The following GPR107 variants were observed in gnomAD, a reference collection of about 807,000 sequenced individuals.
GPR107 encodes the protein protein GPR107.
In GPR107, 31 loss-of-function variants were observed where a neutral mutation model predicts 75.5. The observed-to-expected ratio is 0.41, with a 90% confidence interval of 0.31 to 0.55. GPR107 has a LOEUF of 0.55. Among genes scored for constraint, GPR107 ranks in the 20% least tolerant of loss-of-function variants. GPR107 has a pLI of 0.26. For synonymous variants in GPR107, 267 were observed against 251.3 expected, an observed-to-expected ratio of 1.06 and a Z score of -0.59; for missense variants, 572 against 665.7, an observed-to-expected ratio of 0.86 and a Z score of 1.55.
chr9:130,076,892 TG>T lies in GPR107; in HGVS notation c.307-406del, dbSNP rs200507611. Among the ~76,000 whole-genome samples, 319 of 149,092 alleles carry T rather than the reference TG, an allele frequency of 2.1e-3. 17 individuals carry two copies. The East Asian group carries it at 0.045, about 21-fold the overall frequency. On this transcript the variant is annotated intron_variant, in intron 3 of 17. Transcript: ENST00000347136. The stretch of plus-strand genomic sequence containing the variant: ...CCACAGTTGGTTTACTTTTGTTTTT[TG>T]TTTTTTTTTTTGAGACAGAGTCTCA...
intron 14 of GPR107, among the ~76,000 whole-genome samples, chr9:130,119,542 C>G (rs1183080696): frequency 2.0e-5 from 3 of 152,166 alleles, no homozygotes; most frequent in African/African-American, 7.2e-5. Flanking sequence ...AGAGGGTTAG[C>G]TGACTTATCG....
intron 17 of GPR107, among the ~76,000 whole-genome samples, chr9:130,131,149 C>G (rs185252129): frequency 4.6e-5 from 7 of 152,296 alleles, no homozygotes; most frequent in Admixed American, 3.3e-4. Context: ...TGCGAAGCTG[C>G]TGAAGCCCCA....
chr9:130,075,647 G>A lies in GPR107; in HGVS notation c.153G>A (p.Arg51=). 1 of 1,555,334 alleles carries A rather than the reference G, an allele frequency of 6.4e-7. No homozygotes were observed. Among genetic ancestry groups the A allele is most frequent in the Non-Finnish European group, 8.9e-7 (1 of 1,126,426 alleles). The change falls in exon 2 of 18, where the codon AGG becomes AGA. Residue 51 remains arginine, a synonymous_variant. Transcript: ENST00000347136. ...ACAAATCTCTTTAGGATGATGTGAG[G>A]CATAAAGTTCATCTGAACACCTTTG... ...VHHLALKDDV[R]HKVHLNTFGF...
At chr9:130,095,360 A>T (rs2132598239) in intron 9 of GPR107, among the ~76,000 whole-genome samples, 1 of 152,206 alleles carries the variant, frequency 6.6e-6, no homozygotes, top group Middle Eastern at 3.4e-3. Context: ...AGTCATTGTC[A>T]CTGGTTCACT....
chr9:130,080,737 C>T (rs533200071), intron 5 of GPR107, among the ~76,000 whole-genome samples: 55 of 151,640 alleles, frequency 3.6e-4, no homozygotes, highest in African/African-American at 1.3e-3. Flanking sequence ...GTGATCCGCC[C>T]GCCTCGGCCT....
intron 1 of GPR107, among the ~76,000 whole-genome samples, chr9:130,060,065 G>C (rs1829889985): frequency 6.6e-6 from 1 of 151,492 alleles, no homozygotes; most frequent in African/African-American, 2.4e-5. Context: ...TTTTATTTCG[G>C]GGGGAGGTTG....
At chr9:130,055,063 C>T (rs1318791177) in intron 1 of GPR107, among the ~76,000 whole-genome samples, 1 of 152,162 alleles carries the variant, frequency 6.6e-6, no homozygotes, top group African/African-American at 2.4e-5. Flanking sequence ...GCCTGAGGAA[C>T]AGAGCAAGAC....
At position 130,128,694 on chromosome 9, in the gene GPR107, C is replaced by T. The variant is rs201905145; in HGVS notation, c.1495C>T (p.Arg499Cys). 74 of 1,610,346 alleles carry T rather than the reference C, an allele frequency of 4.6e-5. No homozygotes were observed. The highest frequency in any genetic ancestry group is 2.5e-4 in the African/African-American group (19 of 74,916). Reference sequence around the variant, plus strand: ...CTTTGTTCTAACGGGGTATAAATTCCGTCCGGCTTCAGATAACCCCTACCT... The same window carrying T: ...CTTTGTTCTAACGGGGTATAAATTCTGTCCGGCTTCAGATAACCCCTACCT... ...VFFVLTGYKF[R>C]PASDNPYLQL... is the part of the protein sequence containing the mutation. Residue 499 changes from arginine (R) to cysteine (C), a missense_variant, in exon 17 of 18, where the codon CGT becomes TGT. Arg to Cys is a radical substitution (Grantham distance 180). Transcript: ENST00000347136.
At chr9:130,114,684 C>T in intron 14 of GPR107, 1 of 1,045,464 alleles carries the variant, frequency 9.6e-7, no homozygotes. Flanking sequence ...CTGGACCCAT[C>T]CTGTTTTACT....
Position 130,135,345 on chromosome 9 carries a change from T to G in GPR107, c.*224T>G, listed in dbSNP as rs1831928455. 2.4e-5 allele frequency: 10 copies of G among 415,656 alleles called. No homozygotes were observed. Among genetic ancestry groups the G allele is most frequent in the East Asian group, 4.3e-5 (1 of 23,438 alleles). The allele number at this position is 415,656 out of a possible 1,614,324, so 25.7% of individuals were successfully genotyped here. On this transcript the variant is annotated 3_prime_UTR_variant, in exon 18 of 18. Coordinates refer to ENST00000347136, the MANE Select transcript of GPR107 (RefSeq NM_020960.5). ...AGCTGGATCCTCTTTCAGGCGGGAA[T>G]GGGAGGGCGGGCACAGGGAGGAGGA...
chr9:130,116,481 G>A (rs1831431652), intron 14 of GPR107, among the ~76,000 whole-genome samples: 1 of 152,218 alleles, frequency 6.6e-6, no homozygotes, highest in African/African-American at 2.4e-5. Flanking sequence ...GCTCGCTGCT[G>A]TGACTGTGTG....
chr9:130,062,063 A>G (rs1829938455), intron 1 of GPR107, among the ~76,000 whole-genome samples: 1 of 152,134 alleles, frequency 6.6e-6, no homozygotes, highest in South Asian at 2.1e-4. Flanking sequence ...TTGTAAAATA[A>G]GGATAATGGT....
chr9:130,107,691 A>C (rs1831193259), intron 14 of GPR107, 152 bp downstream of exon 14: 3 of 683,938 alleles, frequency 4.4e-6, no homozygotes, highest in Non-Finnish European at 8.0e-6. Flanking sequence ...TCGTGAGAGC[A>C]GCCAGGGGTA....
At chr9:130,061,267 G>A (rs1829919296) in intron 1 of GPR107, among the ~76,000 whole-genome samples, 1 of 152,142 alleles carries the variant, frequency 6.6e-6, no homozygotes, top group South Asian at 2.1e-4. Context: ...ATTTAAAAAT[G>A]GGATAAATTG....
intron 1 of GPR107, among the ~76,000 whole-genome samples, chr9:130,066,704 G>A (rs1233942854): frequency 6.6e-6 from 1 of 152,114 alleles, no homozygotes; most frequent in East Asian, 1.9e-4. Flanking sequence ...GAGCTTGCTT[G>A]GCCGGGCGCG....
At chr9:130,110,639 G>A (rs562785522) in intron 14 of GPR107, among the ~76,000 whole-genome samples, 2 of 152,298 alleles carry the variant, frequency 1.3e-5, no homozygotes, top group Admixed American at 6.5e-5. Flanking sequence ...TTATGCTTGC[G>A]ACACTCCCAG....
At chr9:130,068,901 G>A (rs1250113139) in intron 1 of GPR107, among the ~76,000 whole-genome samples, 1 of 152,036 alleles carries the variant, frequency 6.6e-6, no homozygotes, top group East Asian at 1.9e-4. Flanking sequence ...GCCACACCCA[G>A]CTAATTTTTT....
chr9:130,081,810 T>C (rs1830498150), intron 5 of GPR107, among the ~76,000 whole-genome samples: 1 of 151,558 alleles, frequency 6.6e-6, no homozygotes, highest in South Asian at 2.1e-4. Flanking sequence ...GAGCCGAGAT[T>C]GCGCCACTGC....
intron 17 of GPR107, chr9:130,129,812 G>A (rs958615425): frequency 6.6e-6 from 1 of 152,248 alleles, no homozygotes; most frequent in African/African-American, 2.4e-5. Flanking sequence ...GGGAGCCTTT[G>A]GCTTGGTCCG....
Sources: allele counts gnomAD v4.1 joint callset (sites outside exome capture counted in the v4.1 genomes callset), GRCh38; gene constraint gnomAD v4.1.1; transcripts MANE v1.5; gene names NCBI Gene and HGNC (gene_info 2026-07-23, HGNC 2026-07-21).